COQ8A: variants seen among roughly 807,000 people sequenced by gnomAD.
COQ8A encodes the protein atypical kinase COQ8A, mitochondrial.
Under a neutral mutation model 65.0 loss-of-function variants are expected in COQ8A, and 51 were observed. That is an observed-to-expected ratio of 0.78 (90% CI 0.63 to 0.99). The LOEUF (loss-of-function observed/expected upper bound fraction) is 0.99. Among genes scored for constraint, COQ8A ranks in the 50% least tolerant of loss-of-function variants. The pLI is 0.00. For synonymous variants in COQ8A, 371 were observed against 353.2 expected (o/e 1.05, Z -0.57); for missense variants, 940 against 875.0 (o/e 1.07, Z -0.94).
At chr1:226,955,531 C>T (rs190352514) in intron 1 of COQ8A, among the ~76,000 whole-genome samples, 480 of 96,076 alleles carry the variant, frequency 5.0e-3, no homozygotes, top group South Asian at 8.8e-3. Flanking sequence ...TCCCTGGCTC[C>T]CACTCTCCCT....
chr1:226,977,086 T>C (rs1659283851), intron 4 of COQ8A, among the ~76,000 whole-genome samples: 1 of 152,138 alleles, frequency 6.6e-6, no homozygotes, highest in Non-Finnish European at 1.5e-5. Context: ...GGGGTGACGT[T>C]GGTCTGTGGA....
intron 1 of COQ8A, among the ~76,000 whole-genome samples, chr1:226,947,482 C>T (rs984442366): frequency 2.0e-5 from 3 of 152,046 alleles, no homozygotes; most frequent in African/African-American, 7.2e-5. Context: ...AGATATTAAA[C>T]CTGAAGTAAA....
chr1:226,946,853 G>A lies in COQ8A; in HGVS notation c.-10+6454G>A, dbSNP rs902452392. 2.6e-5 allele frequency among the ~76,000 whole-genome samples: 4 copies of A among 152,226 alleles called. No homozygotes were observed. The highest frequency in any genetic ancestry group is 2.1e-4 in the South Asian group (1 of 4,834). ...GTTGAGTGTGGCAAGACTGAGGGCC[G>A]TGTGCCCGATGGCTCCTCCTAGCTC... On this transcript the variant is annotated intron_variant, in intron 1 of 14. Coordinates refer to ENST00000366777, the MANE Select transcript of COQ8A (RefSeq NM_020247.5). The surrounding 1 kb of genome is among the most constrained non-coding windows in gnomAD (Gnocchi z 5.3).
chr1:226,947,016 G>T (rs1468328425), intron 1 of COQ8A, among the ~76,000 whole-genome samples: 1 of 152,218 alleles, frequency 6.6e-6, no homozygotes, highest in Non-Finnish European at 1.5e-5. Flanking sequence ...GATACCCTCA[G>T]TCCTGGCAGC....
intron 4 of COQ8A, among the ~76,000 whole-genome samples, chr1:226,975,828 T>C (rs903745717): frequency 5.3e-5 from 8 of 152,216 alleles, no homozygotes; most frequent in Non-Finnish European, 1.2e-4. Context: ...GGTAAAAATG[T>C]ATCGCAAAAA....
intron 1 of COQ8A, among the ~76,000 whole-genome samples, chr1:226,958,896 G>C (rs889527638): frequency 6.6e-6 from 1 of 152,204 alleles, no homozygotes; most frequent in African/African-American, 2.4e-5. Context: ...TGGGAGACTG[G>C]TGTTCCTAGC....
At position 226,964,911 on chromosome 1, in the gene COQ8A, T is replaced by A; in HGVS notation, c.178-89T>A. Reference sequence around the variant, plus strand: ...GAGGTGGGAGGGGGCGGGATGCTGGTGGTGTGCTGTCCTGGGCAGCAGGGG... The same window carrying A: ...GAGGTGGGAGGGGGCGGGATGCTGGAGGTGTGCTGTCCTGGGCAGCAGGGG... On this transcript the variant is annotated intron_variant, in intron 2 of 14. Transcript: ENST00000366777. The A allele has an allele frequency of 2.1e-6, 3 of 1,455,532 alleles. No homozygotes were observed. In the South Asian group the frequency reaches 3.5e-5, roughly 17 times the overall value. 90.2% of individuals were successfully genotyped at this position (1,455,532 alleles called of 1,614,324 possible). A position where few individuals can be genotyped will look rare whatever the true frequency, so the allele number is the denominator to read the frequency against.
chr1:226,970,412 C>T (rs752266906), intron 4 of COQ8A, among the ~76,000 whole-genome samples: 13 of 152,220 alleles, frequency 8.5e-5, no homozygotes, highest in Non-Finnish European at 1.8e-4. Flanking sequence ...GGCTACAAAC[C>T]TTTACAACAT....
chr1:226,986,986 C>T lies in COQ8A; in HGVS notation c.*249C>T. 2 of 569,512 alleles carry T rather than the reference C, an allele frequency of 3.5e-6. No homozygotes were observed. Among genetic ancestry groups the T allele is most frequent in the Admixed American group, 6.2e-5 (2 of 32,166 alleles). 35.3% of individuals were successfully genotyped at this position (569,512 alleles called of 1,614,324 possible). A position where few individuals can be genotyped will look rare whatever the true frequency, so the allele number is the denominator to read the frequency against. ...GCCTCCGTGTGTCCTCTGAAATAAGCAGATGAAGATGAAAGGGCAACTTTG... is the reference window on the plus strand; with the variant it reads ...GCCTCCGTGTGTCCTCTGAAATAAGTAGATGAAGATGAAAGGGCAACTTTG... On this transcript the variant is annotated 3_prime_UTR_variant, in exon 15 of 15. Transcript: ENST00000366777.
At chr1:226,974,558 C>T (rs1358496872) in intron 4 of COQ8A, among the ~76,000 whole-genome samples, 2 of 152,238 alleles carry the variant, frequency 1.3e-5, no homozygotes, top group African/African-American at 4.8e-5. Context: ...GCCTCCAGTG[C>T]TGGCTGGTTC....
chr1:226,978,587 CCA>C (rs1310390379), intron 5 of COQ8A, among the ~76,000 whole-genome samples: 5 of 88,428 alleles, frequency 5.7e-5, no homozygotes, highest in African/African-American at 1.5e-4. Flanking sequence ...TACACACTCT[CCA>C]CACACTCTAC....
At chr1:226,976,169 T>G (rs111545649) in intron 4 of COQ8A, among the ~76,000 whole-genome samples, 616 of 19,220 alleles carry the variant, frequency 0.032, 28 homozygotes, top group East Asian at 0.15. Flanking sequence ...CGATGTTGCC[T>G]GGCTGCGGGG....
At chr1:226,983,063 C>G in intron 8 of COQ8A, 29 bp downstream of exon 8, 2 of 1,565,966 alleles carry the variant, frequency 1.3e-6, no homozygotes, top group Non-Finnish European at 1.7e-6. Flanking sequence ...AGTGCCTGTC[C>G]CTATGGGGGC....
chr1:226,960,412 C>CTTGGTGGTGGTGGT (rs1658142825), intron 1 of COQ8A, among the ~76,000 whole-genome samples: 11 of 6,308 alleles, frequency 1.7e-3, no homozygotes, highest in South Asian at 7.7e-3. Context: ...TTGGTGGTGG[C>CTTGGTGGTGGTGGT]GGTGGTACTT....
At chr1:226,981,426 C>T (rs1162069683) in intron 5 of COQ8A, among the ~76,000 whole-genome samples, 1 of 152,258 alleles carries the variant, frequency 6.6e-6, no homozygotes, top group Non-Finnish European at 1.5e-5. Flanking sequence ...CACTGGCCAG[C>T]TGGCTGCACT....
Position 226,965,367 on chromosome 1 carries a change from G to C in COQ8A, c.545G>C (p.Arg182Pro). 2 of 1,612,070 alleles carry C rather than the reference G, an allele frequency of 1.2e-6. No individual in the cohort carries two copies. The highest frequency in any genetic ancestry group is 1.7e-6 in the Non-Finnish European group (2 of 1,179,608). ...ACAGCCGAGGACATTGAGAAGGCCC[G>C]GCAGGCTAAGGCTCGCCCCGAGAAC... is the stretch of plus-strand genomic sequence containing the variant. ...GLTAEDIEKARQAKARPENKQ... is the reference protein window; with the variant it reads ...GLTAEDIEKAPQAKARPENKQ... The change falls in exon 3 of 15, where the codon CGG becomes CCG. Residue 182 changes from arginine to proline, a missense_variant. Arg to Pro is a moderately radical substitution (Grantham distance 103). Transcript: ENST00000366777.
chr1:226,953,263 C>T (rs574433648), intron 1 of COQ8A, among the ~76,000 whole-genome samples: 5 of 152,210 alleles, frequency 3.3e-5, no homozygotes, highest in East Asian at 3.9e-4. Flanking sequence ...CTCCTGACTT[C>T]GTGATCCACC....
At chr1:226,973,174 T>TCCTGCAGTGCCAGTGCTC (rs1658996313) in intron 4 of COQ8A, among the ~76,000 whole-genome samples, 3 of 152,258 alleles carry the variant, frequency 2.0e-5, no homozygotes, top group African/African-American at 7.2e-5. Context: ...ACGCCATGCT[T>TCCTGCAGTGCCAGTGCTC]CCTGCAGTGC....
chr1:226,985,061 C>G lies in COQ8A; in HGVS notation c.1572+120C>G, dbSNP rs937202145. 4 of 1,382,098 alleles carry G rather than the reference C, an allele frequency of 2.9e-6. No individual in the cohort carries two copies. The African/African-American group carries it at 5.7e-5, about 20-fold the overall frequency. The allele number at this position is 1,382,098 out of a possible 1,614,324, so 85.6% of individuals were successfully genotyped here. ...GCCCTTGTGTCCCCATCTGCGCTGC[C>G]TGCCCCTCAGGTCTGGTGACAGCAG... On this transcript the variant is annotated intron_variant, in intron 13 of 14. Transcript: ENST00000366777.
Sources: allele counts gnomAD v4.1 joint callset (sites outside exome capture counted in the v4.1 genomes callset), GRCh38; gene constraint gnomAD v4.1.1; non-coding constraint Gnocchi (gnomAD v3.1); transcripts MANE v1.5; gene names NCBI Gene and HGNC (gene_info 2026-07-23, HGNC 2026-07-21).